The following ARHGAP20 variants were observed in gnomAD, a reference collection of about 807,000 sequenced individuals.
The protein encoded by ARHGAP20 is Rho GTPase activating protein 20.
In ARHGAP20, 34 loss-of-function variants were observed where a neutral mutation model predicts 73.7. The ratio of observed to expected loss-of-function variants is 0.46; its 90% CI spans 0.35 to 0.61. ARHGAP20 has a LOEUF of 0.61. ARHGAP20 is among the 20% of genes least tolerant of loss of function. The probability of loss-of-function intolerance (pLI) is 0.00; values close to 1 mark genes in which losing one functional copy is unlikely to be tolerated. For synonymous variants in ARHGAP20, 523 were observed against 518.2 expected (o/e 1.01, Z -0.13); for missense variants, 1,314 against 1,420.9 (o/e 0.92, Z 1.21).
chr11:110,615,681 TATC>T, intron 4 of ARHGAP20, 87 bp from the exon 5 acceptor site: 2 of 1,231,676 alleles, frequency 1.6e-6, no homozygotes, highest in Non-Finnish European at 1.2e-6. Flanking sequence ...CAGATGAAAA[TATC>T]AACAACCTGT....
rs1565434278 is a variant in ARHGAP20, at chr11:110,605,730, G to A, written c.964+831C>T. ...TCAGATGATGCCAATAATCTGTCAA[G>A]TGGCAGGAAGGTAGCCTCAGTGATC... On this transcript the variant is annotated intron_variant, in intron 9 of 14. Coordinates refer to ENST00000683387, the MANE Select transcript of ARHGAP20 (RefSeq NM_001384657.1). Among the ~76,000 whole-genome samples, 3 of 152,334 alleles carry A rather than the reference G, an allele frequency of 2.0e-5. No individual in the cohort carries two copies. The Middle Eastern group carries it at 0.01, about 518-fold the overall frequency.
rs752727539 is a variant in ARHGAP20, at chr11:110,581,026, G to C, written c.1920C>G (p.Asp640Glu). The C allele has an allele frequency of 6.2e-7, 1 of 1,614,192 alleles. No homozygotes were observed. The highest frequency in any genetic ancestry group is 2.2e-5 in the East Asian group (1 of 44,872). Residue 640 changes from aspartate (D) to glutamate (E), a missense_variant, in exon 15 of 15, where the codon GAC becomes GAG. Transcript: ENST00000683387. ...CATCTTCATCTTTAGAATGGGCCAAGTCAAAGTCGCTTAGGGTTAAAAGGC... is the reference window on the plus strand; with the variant it reads ...CATCTTCATCTTTAGAATGGGCCAACTCAAAGTCGCTTAGGGTTAAAAGGC... ...VEGLLTLSDF[D>E]LAHSKDEDVQ...
chr11:110,580,451 G>A lies in ARHGAP20; in HGVS notation c.2495C>T (p.Thr832Ile), dbSNP rs781021686. 4 of 1,614,202 alleles carry A rather than the reference G, an allele frequency of 2.5e-6. No homozygotes were observed. Among genetic ancestry groups the A allele is most frequent in the Admixed American group, 1.7e-5 (1 of 60,026 alleles). Reference sequence around the variant, plus strand: ...CCTTGGACCCTTGAGGGCATCTGCTGTGTGTGGTGGGGAGTATCCAGATGT... The same window carrying A: ...CCTTGGACCCTTGAGGGCATCTGCTATGTGTGGTGGGGAGTATCCAGATGT... ...VNTSGYSPPH[T>I]ADALKGPRTH... Residue 832 changes from threonine (T) to isoleucine (I), a missense_variant, in exon 15 of 15, where the codon ACA becomes ATA. Physicochemically the swap from Thr to Ile is moderately conservative, Grantham distance 89 (BLOSUM62 -1). This residue lies in a region of ARHGAP20 where 641 missense variants were observed against 636.9 expected (regional missense o/e 1.01). Coordinates refer to ENST00000683387, the MANE Select transcript of ARHGAP20 (RefSeq NM_001384657.1).
At chr11:110,644,050 T>G (rs1949132155) in intron 2 of ARHGAP20, among the ~76,000 whole-genome samples, 1 of 152,038 alleles carries the variant, frequency 6.6e-6, no homozygotes, top group South Asian at 2.1e-4. Context: ...AGAATGCCAT[T>G]CATTTACAAC....
At chr11:110,703,878 C>T (rs1022186938) in intron 1 of ARHGAP20, among the ~76,000 whole-genome samples, 4 of 152,142 alleles carry the variant, frequency 2.6e-5, no homozygotes, top group Non-Finnish European at 4.4e-5. Context: ...ACATTTTTCA[C>T]ATAATGTTCC....
At chr11:110,589,355 G>C in intron 11 of ARHGAP20, 1 of 971,374 alleles carries the variant, frequency 1.0e-6, no homozygotes. Flanking sequence ...TTTAAGAGCA[G>C]ATATGGCTTA....
At chr11:110,676,929 T>G (rs959962829) in intron 2 of ARHGAP20, among the ~76,000 whole-genome samples, 1 of 152,196 alleles carries the variant, frequency 6.6e-6, no homozygotes, top group African/African-American at 2.4e-5. Flanking sequence ...CATTATTTTA[T>G]AGACTCTACA....
chr11:110,625,095 T>C (rs185964314), intron 3 of ARHGAP20, among the ~76,000 whole-genome samples: 10,319 of 149,364 alleles, frequency 0.069, 413 homozygotes, highest in Middle Eastern at 0.1. Flanking sequence ...CGGACTGCAG[T>C]GGCGCAATCT....
In ARHGAP20 at chr11:110,578,597, G is replaced by C. The variant is rs1281212758; in HGVS notation, c.*773C>G. On this transcript the variant is annotated 3_prime_UTR_variant, in exon 15 of 15. Coordinates refer to ENST00000683387, the MANE Select transcript of ARHGAP20 (RefSeq NM_001384657.1). ...TTTCTGAAGAATGTTCCTAGGCAGA[G>C]ATACCTTTGAAAGGGTACTGAAATG... 1.0e-6 allele frequency: 1 copy of C among 985,318 alleles called. No individual in the cohort carries two copies. Among genetic ancestry groups the C allele is most frequent in the East Asian group, 1.1e-4 (1 of 8,830 alleles). 61.0% of individuals were successfully genotyped at this position (985,318 alleles called of 1,614,324 possible).
rs559602587 is a variant in ARHGAP20 at position 110,712,328 on chromosome 11, G to C, written c.-97C>G. On this transcript the variant is annotated 5_prime_UTR_variant, in exon 1 of 15. Coordinates refer to ENST00000683387, the MANE Select transcript of ARHGAP20 (RefSeq NM_001384657.1). ...GGGGCGAGGACGCGCGGGCGGAGGC[G>C]CGGCTGCCGTGCTCAGGCAGGGAGC... 1 of 1,059,616 alleles carries C rather than the reference G, an allele frequency of 9.4e-7. No homozygotes were observed. The allele number at this position is 1,059,616 out of a possible 1,614,324, so 65.6% of individuals were successfully genotyped here. A position where few individuals can be genotyped will look rare whatever the true frequency, so the allele number is the denominator to read the frequency against.
rs1417442974 is a variant in ARHGAP20 at position 110,645,255 on chromosome 11, C to T, written c.189-14463G>A. Among the ~76,000 whole-genome samples the T allele has an allele frequency of 1.4e-4, 22 of 152,060 alleles. 1 individual carries two copies. The highest frequency in any genetic ancestry group is 1.2e-4 in the African/African-American group (5 of 41,406). ...CAACTCCTGCATCAAGTCATCTGCCCGCCTCAGCCTCCCAACAGTGCTGGG... is the reference window on the plus strand; with the variant it reads ...CAACTCCTGCATCAAGTCATCTGCCTGCCTCAGCCTCCCAACAGTGCTGGG... On this transcript the variant is annotated intron_variant, in intron 2 of 14. Transcript: ENST00000683387.
chr11:110,694,765 T>TC (rs1221595963), intron 1 of ARHGAP20, among the ~76,000 whole-genome samples: 1 of 151,564 alleles, frequency 6.6e-6, no homozygotes, highest in Non-Finnish European at 1.5e-5. Context: ...TACTGAACTC[T>TC]CCTCTGTAGC....
At chr11:110,696,323 T>C (rs1193495580) in intron 1 of ARHGAP20, among the ~76,000 whole-genome samples, 1 of 151,642 alleles carries the variant, frequency 6.6e-6, no homozygotes, top group Non-Finnish European at 1.5e-5. Context: ...GGTATGCAAA[T>C]TGATTTGGTT....
chr11:110,702,991 T>C (rs995870874), intron 1 of ARHGAP20, among the ~76,000 whole-genome samples: 3 of 152,198 alleles, frequency 2.0e-5, no homozygotes, highest in Non-Finnish European at 4.4e-5. Context: ...GCCATCCCCA[T>C]CAAGCTACCA....
chr11:110,643,540 G>A (rs924220964), intron 2 of ARHGAP20, among the ~76,000 whole-genome samples: 1 of 151,976 alleles, frequency 6.6e-6, no homozygotes, highest in African/African-American at 2.4e-5. Flanking sequence ...AGTCCTTCAG[G>A]AGCAACTTGT....
At chr11:110,673,210 A>C in intron 2 of ARHGAP20, among the ~76,000 whole-genome samples, 1 of 151,700 alleles carries the variant, frequency 6.6e-6, no homozygotes, top group East Asian at 1.9e-4. Context: ...ATATATGTTC[A>C]AAACACAGAA....
At chr11:110,591,408 T>C (rs1001669348) in intron 10 of ARHGAP20, among the ~76,000 whole-genome samples, 7 of 152,224 alleles carry the variant, frequency 4.6e-5, no homozygotes, top group Admixed American at 3.9e-4. Context: ...AGATGCATAA[T>C]ATAGTATAAA....
intron 2 of ARHGAP20, among the ~76,000 whole-genome samples, chr11:110,663,526 T>C (rs1046656895): frequency 6.6e-6 from 1 of 151,872 alleles, no homozygotes; most frequent in Non-Finnish European, 1.5e-5. Context: ...TTGAACTACA[T>C]AATCAACACA....
intron 3 of ARHGAP20, among the ~76,000 whole-genome samples, chr11:110,626,261 A>G (rs549010721): frequency 5.5e-4 from 84 of 152,318 alleles, no homozygotes; most frequent in Admixed American, 1.2e-3. Flanking sequence ...GATGCTGCAG[A>G]TATCATGTGG....
Sources: gnomAD v4.1 joint callset for allele counts (sites outside exome capture counted in the v4.1 genomes callset) on GRCh38, gnomAD v4.1.1 for gene constraint, gnomAD v4.1.1 regional missense constraint, MANE v1.5 for transcripts, NCBI Gene and HGNC (gene_info 2026-07-23, HGNC 2026-07-21) for gene names.